TXNRD2: variants seen among roughly 807,000 people sequenced by gnomAD.
TXNRD2 encodes thioredoxin reductase 2, mitochondrial.
In TXNRD2, 67 loss-of-function variants were observed where a neutral mutation model predicts 70.8. That is an observed-to-expected ratio of 0.95 (90% CI 0.78 to 1.16). The LOEUF is 1.16. Among genes scored for constraint, TXNRD2 ranks in the 50% most tolerant of loss-of-function variants. TXNRD2 has a pLI of 0.00. For missense variants in TXNRD2, 644 were observed against 719.9 expected (o/e 0.89, Z 1.21); for synonymous variants, 301 against 295.8 (o/e 1.02, Z -0.18).
chr22:19,881,521 ACCTT>A (rs1299527470), intron 12 of TXNRD2, among the ~76,000 whole-genome samples: 1 of 152,146 alleles, frequency 6.6e-6, no homozygotes, highest in Non-Finnish European at 1.5e-5. Context: ...ATTCAGAACG[ACCTT>A]TCTGACAGAG....
At chr22:19,885,920 A>T (rs1440837494) in intron 11 of TXNRD2, among the ~76,000 whole-genome samples, 1 of 152,248 alleles carries the variant, frequency 6.6e-6, no homozygotes, top group Non-Finnish European at 1.5e-5. Context: ...GAGATAAAAG[A>T]GGCATGGAAA....
At chr22:19,899,622 C>T (rs1032854167) in intron 8 of TXNRD2, among the ~76,000 whole-genome samples, 12 of 152,248 alleles carry the variant, frequency 7.9e-5, no homozygotes, top group Non-Finnish European at 1.3e-4. Context: ...CAGGACACTG[C>T]GACCAGCAGT....
intron 8 of TXNRD2, among the ~76,000 whole-genome samples, chr22:19,909,899 ACAC>A (rs1468045996): frequency 1.2e-5 from 1 of 83,242 alleles, no homozygotes; most frequent in Non-Finnish European, 2.4e-5. Flanking sequence ...ACACACACAC[ACAC>A]CACACACCCA....
At chr22:19,908,612 A>C (rs9618714) in intron 8 of TXNRD2, among the ~76,000 whole-genome samples, 6,239 of 152,292 alleles carry the variant, frequency 0.041, 441 homozygotes, top group African/African-American at 0.14. Flanking sequence ...CATAAGATCC[A>C]GCAATCCCAC....
chr22:19,895,190 G>T (rs751019739), intron 11 of TXNRD2: 8 of 1,598,394 alleles, frequency 5.0e-6, no homozygotes, highest in Non-Finnish European at 6.8e-6. Flanking sequence ...GACACGCAGA[G>T]ATGCAAGGTG....
At chr22:19,906,861 CGCCGTGGGT>C in intron 8 of TXNRD2, among the ~76,000 whole-genome samples, 1 of 142,562 alleles carries the variant, frequency 7.0e-6, no homozygotes, top group East Asian at 2.0e-4. Context: ...AGAGTGTGGG[CGCCGTGGGT>C]AGCAGTGACC....
chr22:19,883,297 G>C (rs1305070606), intron 12 of TXNRD2, 28 bp downstream of exon 12: 1 of 1,609,146 alleles, frequency 6.2e-7, no homozygotes, highest in East Asian at 2.2e-5. Flanking sequence ...CAGGGGCAGG[G>C]GCCCTGGTCC....
intron 1 of TXNRD2, among the ~76,000 whole-genome samples, chr22:19,939,101 C>A (rs1160278081): frequency 6.6e-6 from 1 of 152,168 alleles, no homozygotes; most frequent in Non-Finnish European, 1.5e-5. Flanking sequence ...GATCGTCAAT[C>A]CCGTCTGGGT....
At chr22:19,917,216 C>A (rs909393697) in intron 5 of TXNRD2, among the ~76,000 whole-genome samples, 40 of 152,166 alleles carry the variant, frequency 2.6e-4, no homozygotes, top group African/African-American at 9.2e-4. Context: ...TGTTTGGTGC[C>A]CGTCCAGGAG....
At chr22:19,884,157 A>G (rs532765938) in intron 11 of TXNRD2, 27 of 152,866 alleles carry the variant, frequency 1.8e-4, no homozygotes, top group African/African-American at 6.3e-4. Flanking sequence ...GTCTCAAGAA[A>G]AAAGAATGTC....
intron 8 of TXNRD2, among the ~76,000 whole-genome samples, chr22:19,906,806 C>T (rs1304324008): frequency 2.0e-5 from 3 of 150,602 alleles, no homozygotes; most frequent in Admixed American, 6.6e-5. Flanking sequence ...TCAGCACAGT[C>T]TCAGGAGAGT....
At chr22:19,895,218 G>A (rs201311468) in intron 11 of TXNRD2, 189 bp downstream of exon 11, 2 of 1,597,726 alleles carry the variant, frequency 1.3e-6, no homozygotes, top group East Asian at 4.5e-5. Flanking sequence ...TGGCAAGATG[G>A]GCACAGCCTA....
At chr22:19,885,454 C>T (rs904272004) in intron 11 of TXNRD2, among the ~76,000 whole-genome samples, 10 of 146,180 alleles carry the variant, frequency 6.8e-5, no homozygotes, top group South Asian at 2.1e-4. Context: ...AGCCAGCTTG[C>T]GGGAGGCCGG....
chr22:19,881,903 G>A (rs1258478679), intron 12 of TXNRD2, among the ~76,000 whole-genome samples: 2 of 152,236 alleles, frequency 1.3e-5, no homozygotes, highest in Non-Finnish European at 2.9e-5. Context: ...AATCGGGTCG[G>A]CTAGATGGGC....
chr22:19,891,488 T>G (rs1370191953), intron 11 of TXNRD2: 1 of 152,490 alleles, frequency 6.6e-6, no homozygotes, highest in Non-Finnish European at 1.5e-5. Context: ...TTTTCAGGGC[T>G]GCAGTCCAGA....
Position 19,883,388 on chromosome 22 carries a change from G to A in TXNRD2, c.1023C>T (p.Ile341=). The change falls in exon 12 of 18, where the codon ATC becomes ATT. Residue 341 remains isoleucine (I), a synonymous_variant. Coordinates refer to ENST00000400521, the MANE Select transcript of TXNRD2 (RefSeq NM_006440.5). ...GVDTSPDTQK[I]LVDSREATSV... is the part of the protein sequence containing the mutation. ...AGGTGGCTTCCCGGGAGTCCACCAG[G>A]ATCTTCTGAGTGTCGGGGCTAGTAT... 1.2e-6 allele frequency: 2 copies of A among 1,614,074 alleles called. No individual in the cohort carries two copies. Among genetic ancestry groups the A allele is most frequent in the Non-Finnish European group, 1.7e-6 (2 of 1,180,022 alleles).
In TXNRD2 at chr22:19,898,150, G is replaced by C. The variant is rs1232019650; in HGVS notation, c.683-20C>G. 6.4e-7 allele frequency: 1 copy of C among 1,551,372 alleles called. No homozygotes were observed. Among genetic ancestry groups the C allele is most frequent in the Non-Finnish European group, 8.7e-7 (1 of 1,146,896 alleles). On this transcript the variant is annotated intron_variant, in intron 9 of 17. Coordinates refer to ENST00000400521, the MANE Select transcript of TXNRD2 (RefSeq NM_006440.5). ...CCACATCTGTGGGGTGCCAGCTAAG[G>C]AGCACTGTAGATCCCAATTTTGGAA... is the stretch of plus-strand genomic sequence containing the variant.
At chr22:19,899,982 G>C (rs963489051) in intron 8 of TXNRD2, among the ~76,000 whole-genome samples, 3 of 152,234 alleles carry the variant, frequency 2.0e-5, no homozygotes, top group African/African-American at 7.2e-5. Context: ...TGTAAGGACG[G>C]ATAAGCCCAA....
At chr22:19,894,342 C>T (rs2145966197) in intron 11 of TXNRD2, 1 of 152,348 alleles carries the variant, frequency 6.6e-6, no homozygotes, top group Non-Finnish European at 1.5e-5. Flanking sequence ...GCTGCTTGTA[C>T]AATATGAACG....
Sources: gnomAD v4.1 joint callset for allele counts (sites outside exome capture counted in the v4.1 genomes callset) on GRCh38, gnomAD v4.1.1 for gene constraint, MANE v1.5 for transcripts, NCBI Gene and HGNC (gene_info 2026-07-23, HGNC 2026-07-21) for gene names.